CTNNA3: variants seen among roughly 807,000 people sequenced by gnomAD.
CTNNA3 encodes catenin alpha-3.
In CTNNA3, 76 loss-of-function variants were observed where a neutral mutation model predicts 95.7. The ratio of observed to expected loss-of-function variants is 0.79; its 90% CI spans 0.66 to 0.96. The LOEUF (loss-of-function observed/expected upper bound fraction) is 0.96, where lower values mean the gene tolerates loss of function less well. Ranked by LOEUF, CTNNA3 falls within the 40% of genes least tolerant of loss-of-function variation. The pLI is 0.00. For missense variants in CTNNA3, 1,191 were observed against 1,089.8 expected (o/e 1.09, Z -1.31); for synonymous variants, 431 against 374.4 (o/e 1.15, Z -1.74).
chr10:66,043,652 G>T (rs1903863), intron 15 of CTNNA3, among the ~76,000 whole-genome samples: 66,962 of 151,930 alleles, frequency 0.44, 15,160 homozygotes, highest in Admixed American at 0.55. Context: ...GTCAGAGCAG[G>T]TGACACTTAT....
At chr10:66,913,791 C>CGGG (rs1407543230) in intron 7 of CTNNA3, among the ~76,000 whole-genome samples, 1 of 152,178 alleles carries the variant, frequency 6.6e-6, no homozygotes, top group Non-Finnish European at 1.5e-5. Context: ...AATCAAAAGA[C>CGGG]TACCCCATCC....
At chr10:67,022,635 A>C (rs1853097103) in intron 7 of CTNNA3, among the ~76,000 whole-genome samples, 1 of 152,106 alleles carries the variant, frequency 6.6e-6, no homozygotes, top group Non-Finnish European at 1.5e-5. Context: ...AAATGATGAA[A>C]AATTTTAAAT....
At chr10:66,572,286 A>T (rs977440964) in intron 10 of CTNNA3, among the ~76,000 whole-genome samples, 1 of 151,778 alleles carries the variant, frequency 6.6e-6, no homozygotes, top group Non-Finnish European at 1.5e-5. Flanking sequence ...GGGAGGCTGA[A>T]GCAGGAGAAT....
intron 3 of CTNNA3, among the ~76,000 whole-genome samples, chr10:67,566,072 T>TATATATATAC (rs1265158791): frequency 9.8e-6 from 1 of 102,150 alleles, no homozygotes; most frequent in Non-Finnish European, 2.0e-5. Context: ...TATATATATA[T>TATATATATAC]ACAAAACCTA....
chr10:67,091,101 T>TC (rs1171335788), intron 7 of CTNNA3, among the ~76,000 whole-genome samples: 3 of 151,940 alleles, frequency 2.0e-5, no homozygotes, highest in Non-Finnish European at 2.9e-5. Flanking sequence ...TACCAGCCTG[T>TC]ATATAAAGGT....
chr10:66,913,038 G>C (rs1027391853), intron 7 of CTNNA3, among the ~76,000 whole-genome samples: 3 of 151,936 alleles, frequency 2.0e-5, no homozygotes, highest in Non-Finnish European at 2.9e-5. Context: ...AGGAGATCGA[G>C]ACCATCTTGG....
chr10:66,640,573 T>G (rs919930502), intron 9 of CTNNA3, among the ~76,000 whole-genome samples: 5 of 152,108 alleles, frequency 3.3e-5, no homozygotes, highest in Admixed American at 3.3e-4. Flanking sequence ...TACTCCCCAG[T>G]AAATCTTCAG....
intron 14 of CTNNA3, among the ~76,000 whole-genome samples, chr10:66,092,061 G>A (rs1178722147): frequency 6.6e-6 from 1 of 151,718 alleles, no homozygotes; most frequent in African/African-American, 2.4e-5. Flanking sequence ...TAAATAGTAA[G>A]CCCATCTTCC....
At chr10:67,014,265 A>C (rs907993741) in intron 7 of CTNNA3, among the ~76,000 whole-genome samples, 1 of 152,154 alleles carries the variant, frequency 6.6e-6, no homozygotes, top group African/African-American at 2.4e-5. Flanking sequence ...ATCCCTTATA[A>C]AATTGATGCA....
intron 10 of CTNNA3, among the ~76,000 whole-genome samples, chr10:66,577,148 TTG>T (rs1843031975): frequency 6.6e-6 from 1 of 151,828 alleles, no homozygotes; most frequent in Non-Finnish European, 1.5e-5. Context: ...GTGTCTCTTC[TTG>T]TCCTTTGCCC....
chr10:66,971,408 C>G lies in CTNNA3; in HGVS notation c.1048-195884G>C, dbSNP rs61866211. ...GCCACTGCACTCTAAGCCTGGGCAA[C>G]AGAGAGAGACTCCGTCTCAAAAAAA... is the stretch of plus-strand genomic sequence containing the variant. On this transcript the variant is annotated intron_variant, in intron 7 of 17. Coordinates refer to ENST00000433211, the MANE Select transcript of CTNNA3 (RefSeq NM_013266.4). 5.6e-3 allele frequency among the ~76,000 whole-genome samples: 742 copies of G among 132,026 alleles called. 3 individuals are homozygous for G. Among genetic ancestry groups the G allele is most frequent in the Middle Eastern group, 0.015 (4 of 266 alleles). 86.6% of individuals were successfully genotyped at this position (132,026 alleles called of 152,430 possible). A position where few individuals can be genotyped will look rare whatever the true frequency, so the allele number is the denominator to read the frequency against.
At chr10:66,302,855 GAA>G (rs2091882341) in intron 12 of CTNNA3, among the ~76,000 whole-genome samples, 2 of 151,968 alleles carry the variant, frequency 1.3e-5, no homozygotes, top group South Asian at 4.2e-4. Flanking sequence ...CATTACAAAA[GAA>G]AGATACTATT....
intron 13 of CTNNA3, among the ~76,000 whole-genome samples, chr10:66,178,581 T>G (rs755330257): frequency 2.6e-5 from 4 of 151,094 alleles, no homozygotes; most frequent in Non-Finnish European, 5.9e-5. Context: ...TCATCCAAAT[T>G]AGATTATATT....
intron 7 of CTNNA3, among the ~76,000 whole-genome samples, chr10:66,994,761 C>T (rs1047123824): frequency 6.6e-6 from 1 of 152,184 alleles, no homozygotes; most frequent in South Asian, 2.1e-4. Flanking sequence ...TAGAATACAG[C>T]TGCAGGGCTT....
At chr10:67,016,736 C>T (rs1390406713) in intron 7 of CTNNA3, among the ~76,000 whole-genome samples, 1 of 152,078 alleles carries the variant, frequency 6.6e-6, no homozygotes, top group Admixed American at 6.5e-5. Flanking sequence ...AATATATGGA[C>T]TTCGTAATTT....
At chr10:66,048,944 C>T (rs756451979) in intron 15 of CTNNA3, among the ~76,000 whole-genome samples, 23 of 150,828 alleles carry the variant, frequency 1.5e-4, no homozygotes, top group African/African-American at 4.6e-4. Flanking sequence ...CAAGTGGGAA[C>T]TAATTAAAAT....
At chr10:66,302,173 T>G (rs542654274) in intron 12 of CTNNA3, among the ~76,000 whole-genome samples, 2 of 152,012 alleles carry the variant, frequency 1.3e-5, no homozygotes, top group Non-Finnish European at 2.9e-5. Flanking sequence ...TCAAAGAAGA[T>G]CTACATAAAT....
At chr10:67,262,712 CA>C (rs1405415156) in intron 5 of CTNNA3, among the ~76,000 whole-genome samples, 2 of 151,472 alleles carry the variant, frequency 1.3e-5, no homozygotes, top group African/African-American at 2.4e-5. Context: ...CTGCTAGAGA[CA>C]AAAAGGGGAA....
At position 66,220,354 on chromosome 10, in the gene CTNNA3, A is replaced by T. The variant is rs142497396; in HGVS notation, c.1884+60116T>A. ...CTTTTGAAACAGGAAATTTTCTCTG[A>T]CTTGTTTACTCAGCCGGTAGTTCTC... On this transcript the variant is annotated intron_variant, in intron 13 of 17. Coordinates refer to ENST00000433211, the MANE Select transcript of CTNNA3 (RefSeq NM_013266.4). 4.4e-3 allele frequency among the ~76,000 whole-genome samples: 666 copies of T among 152,208 alleles called. 1 individual carries two copies. Among genetic ancestry groups the T allele is most frequent in the African/African-American group, 0.015 (628 of 41,532 alleles).
Sources: gnomAD v4.1 joint callset for allele counts (sites outside exome capture counted in the v4.1 genomes callset) on GRCh38, gnomAD v4.1.1 for gene constraint, MANE v1.5 for transcripts, NCBI Gene and HGNC (gene_info 2026-07-23, HGNC 2026-07-21) for gene names.